Variants in CAGE1 observed in about 807,000 individuals in gnomAD.
The protein encoded by CAGE1 is cancer antigen 1, also known as cancer-associated gene 1 protein.
CAGE1 carries 66 observed loss-of-function variants against 94.9 expected under a neutral mutation model. That is an observed-to-expected ratio of 0.70 (90% CI 0.57 to 0.85). The LOEUF (loss-of-function observed/expected upper bound fraction) is 0.85, where lower values mean the gene tolerates loss of function less well. CAGE1 is among the 40% of genes least tolerant of loss of function. The pLI is 0.00. For synonymous variants in CAGE1, 319 were observed against 321.0 expected (o/e 0.99, Z 0.07); for missense variants, 865 against 950.4 (o/e 0.91, Z 1.18).
chr6:7,387,983 G>A (rs932828443), intron 1 of CAGE1, among the ~76,000 whole-genome samples: 17 of 143,332 alleles, frequency 1.2e-4, no homozygotes, highest in Admixed American at 3.7e-4. Flanking sequence ...GCAGTGAGCC[G>A]AGATGGCCCA....
chr6:7,382,037 A>C (rs1490566247), intron 3 of CAGE1, among the ~76,000 whole-genome samples: 1 of 148,212 alleles, frequency 6.7e-6, no homozygotes, highest in Non-Finnish European at 1.5e-5. Flanking sequence ...ACGGGGTTTC[A>C]CCGTGTTAGC....
intron 11 of CAGE1, among the ~76,000 whole-genome samples, chr6:7,345,174 A>G (rs540285112): frequency 2.1e-5 from 3 of 143,592 alleles, no homozygotes; most frequent in South Asian, 4.4e-4. Context: ...AGGAGCTATG[A>G]CACTCCTTGT....
intron 11 of CAGE1, among the ~76,000 whole-genome samples, chr6:7,346,657 G>A (rs140800019): frequency 0.011 from 1,732 of 152,124 alleles, 28 homozygotes; most frequent in African/African-American, 0.04. Context: ...GACCAGCCTG[G>A]CCAACACGGC....
chr6:7,389,728 C>T lies in CAGE1; in HGVS notation c.-550G>A. 1 of 558,118 alleles carries T rather than the reference C, an allele frequency of 1.8e-6. No homozygotes were observed. The highest frequency in any genetic ancestry group is 3.0e-5 in the East Asian group (1 of 33,018). 34.6% of individuals were successfully genotyped at this position (558,118 alleles called of 1,614,324 possible). A position where few individuals can be genotyped will look rare whatever the true frequency, so the allele number is the denominator to read the frequency against. ...ACATCCACAGCCCTATACAGCGCGC[C>T]ATCCAGAGAGCTCCGGACTCCCAGC... is the stretch of plus-strand genomic sequence containing the variant. On this transcript the variant is annotated 5_prime_UTR_variant, in exon 1 of 14. The change abolishes an upstream ATG in the 5' untranslated region. Transcript: ENST00000502583.
chr6:7,330,449 CAT>C (rs1758706083), intron 12 of CAGE1, among the ~76,000 whole-genome samples: 2 of 152,192 alleles, frequency 1.3e-5, no homozygotes, highest in South Asian at 4.1e-4. Context: ...TTAACATTCT[CAT>C]AGATTTACTT....
chr6:7,343,978 G>A (rs1047077980), intron 11 of CAGE1, among the ~76,000 whole-genome samples: 1 of 152,224 alleles, frequency 6.6e-6, no homozygotes, highest in Non-Finnish European at 1.5e-5. Context: ...AATGTTGTTT[G>A]GAGCAGGAAC....
chr6:7,385,525 C>A (rs761437416), intron 3 of CAGE1, among the ~76,000 whole-genome samples: 50 of 152,202 alleles, frequency 3.3e-4, no homozygotes, highest in Non-Finnish European at 5.7e-4. Context: ...GAGTCTGAGA[C>A]TTGATCACGG....
chr6:7,386,018 A>G (rs1433609236), intron 2 of CAGE1, 146 bp from the exon 3 acceptor site: 1 of 478,636 alleles, frequency 2.1e-6, no homozygotes, highest in African/African-American at 2.0e-5. Flanking sequence ...CCCAGCATGT[A>G]TTTGGCTCCC....
At chr6:7,368,928 T>C in intron 6 of CAGE1, 130 bp from the exon 7 acceptor site, 1 of 579,772 alleles carries the variant, frequency 1.7e-6, no homozygotes, top group Non-Finnish European at 3.0e-6. Context: ...GGTAAAATCA[T>C]ATTGAACTCC....
In CAGE1 at chr6:7,374,069, A is replaced by C. The variant is rs540357154; in HGVS notation, c.750T>G (p.Tyr250Ter). 1.2e-6 allele frequency: 2 copies of C among 1,613,986 alleles called. No individual in the cohort carries two copies. The highest frequency in any genetic ancestry group is 1.7e-6 in the Non-Finnish European group (2 of 1,179,896). Residue 250 changes from tyrosine to a stop codon, truncating the protein, a stop_gained, in exon 5 of 14, where the codon TAT becomes TAG. Coordinates refer to ENST00000502583, the MANE Select transcript of CAGE1 (RefSeq NM_001170692.2). LOFTEE classifies it high-confidence loss of function. ...YGEIPEMSVS[Y>*]EKEVTAEGVE... ...CACCCTCTGCTGTGACTTCCTTTTC[A>C]TAACTGACTGACATCTCAGGAATCT...
intron 13 of CAGE1, among the ~76,000 whole-genome samples, chr6:7,328,934 A>T (rs75601358): frequency 0.43 from 46,123 of 106,192 alleles, 10,419 homozygotes; most frequent in East Asian, 0.61. Flanking sequence ...ATATATATAT[A>T]TTTTTTTTTT....
In CAGE1 at chr6:7,328,443, C is replaced by A. The variant is rs117627510; in HGVS notation, c.2478+1406G>T. Reference sequence around the variant, plus strand: ...CTTCAGAGAGGAGGCAGAGCTTGAGCTGACAGGCGTTTGTGAGGTGGGAAC... The same window carrying A: ...CTTCAGAGAGGAGGCAGAGCTTGAGATGACAGGCGTTTGTGAGGTGGGAAC... On this transcript the variant is annotated intron_variant, in intron 13 of 13. Transcript: ENST00000502583. 3.2e-4 allele frequency among the ~76,000 whole-genome samples: 49 copies of A among 152,260 alleles called. 2 individuals carry two copies. The East Asian group carries it at 8.5e-3, about 26-fold the overall frequency.
rs1760210156 is a variant in CAGE1, at chr6:7,362,975, A to AC, written c.2193+2492dup. ...TCATAAATACTTTTCAAAATGTAAT[A>AC]CTAACAGGCTGGGCATGGTGGCTCA... On this transcript the variant is annotated intron_variant, in intron 9 of 13. Transcript: ENST00000502583. The surrounding 1 kb of genome is among the most constrained non-coding windows in gnomAD (Gnocchi z 4.1). 6.6e-6 allele frequency among the ~76,000 whole-genome samples: 1 copy of AC among 152,166 alleles called. No individual in the cohort carries two copies. Among genetic ancestry groups the AC allele is most frequent in the Non-Finnish European group, 1.5e-5 (1 of 68,040 alleles).
At chr6:7,345,100 ACT>A (rs763930826) in intron 11 of CAGE1, among the ~76,000 whole-genome samples, 22 of 151,388 alleles carry the variant, frequency 1.5e-4, no homozygotes, top group South Asian at 2.1e-4. Flanking sequence ...GTAAATCTTA[ACT>A]CTTGTTGCTG....
chr6:7,336,516 T>C (rs1758957199), intron 11 of CAGE1, among the ~76,000 whole-genome samples: 1 of 35,412 alleles, frequency 2.8e-5, no homozygotes. Context: ...TATTTCTTTC[T>C]TTTTTTCTTT....
chr6:7,340,641 G>A (rs997082621), intron 11 of CAGE1, among the ~76,000 whole-genome samples: 1 of 152,184 alleles, frequency 6.6e-6, no homozygotes, highest in African/African-American at 2.4e-5. Context: ...AGCTTAAGGA[G>A]GGTGATGACT....
intron 9 of CAGE1, among the ~76,000 whole-genome samples, chr6:7,358,442 C>T (rs894635420): frequency 1.3e-5 from 2 of 152,020 alleles, no homozygotes; most frequent in African/African-American, 4.8e-5. Context: ...CACCTGTAGA[C>T]AGACATTTGG....
rs748278473 is a variant in CAGE1, at chr6:7,373,530, T to G, written c.1289A>C (p.Gln430Pro). 1.9e-6 allele frequency: 3 copies of G among 1,613,578 alleles called. No individual in the cohort carries two copies. Among genetic ancestry groups the G allele is most frequent in the Non-Finnish European group, 1.7e-6 (2 of 1,179,820 alleles). ...ATACTGACTTACAGATTTATTTTTT[T>G]GTTGCATTTCAGTCATGTACCTTTC... ...LQERYMTEMQ[Q>P]KNKSVSQYLE... is the part of the protein sequence containing the mutation. Residue 430 changes from glutamine (Q) to proline (P), a missense_variant, in exon 5 of 14, where the codon CAA becomes CCA. Transcript: ENST00000502583.
chr6:7,330,754 T>C (rs1758721214), intron 12 of CAGE1, among the ~76,000 whole-genome samples: 1 of 152,186 alleles, frequency 6.6e-6, no homozygotes, highest in Non-Finnish European at 1.5e-5. Context: ...TTCTAACAAA[T>C]GTCCTCTTGG....
Sources: gnomAD v4.1 joint callset for allele counts (sites outside exome capture counted in the v4.1 genomes callset) on GRCh38, gnomAD v4.1.1 for gene constraint, Gnocchi (gnomAD v3.1) non-coding constraint, MANE v1.5 for transcripts, NCBI Gene and HGNC (gene_info 2026-07-23, HGNC 2026-07-21) for gene names.